The following RGS7 variants were observed in gnomAD, a reference collection of about 807,000 sequenced individuals.
RGS7 encodes regulator of G protein signaling 7, also known as regulator of G-protein signaling 7.
A neutral mutation model predicts 81.1 loss-of-function variants in RGS7; 27 were observed. That is an observed-to-expected ratio of 0.33 (90% confidence interval 0.25 to 0.46). RGS7 has a LOEUF of 0.46. RGS7 is among the 20% of genes least tolerant of loss of function. The pLI is 1.00. For synonymous variants in RGS7, 208 were observed against 207.7 expected, an observed-to-expected ratio of 1.00 and a Z score of -0.01; for missense variants, 396 against 607.4, an observed-to-expected ratio of 0.65 and a Z score of 3.66.
At chr1:240,777,241 C>A (rs1683108439) in intron 18 of RGS7, among the ~76,000 whole-genome samples, 1 of 151,652 alleles carries the variant, frequency 6.6e-6, no homozygotes, top group African/African-American at 2.4e-5. Flanking sequence ...GAGATCGCGC[C>A]ACTACACTCC....
chr1:241,201,884 C>T (rs781514380), intron 2 of RGS7, among the ~76,000 whole-genome samples: 4 of 152,100 alleles, frequency 2.6e-5, no homozygotes, highest in South Asian at 2.1e-4. Context: ...CTTTATACTT[C>T]GCAAAATAAT....
intron 2 of RGS7, among the ~76,000 whole-genome samples, chr1:241,114,606 T>G (rs912642857): frequency 2.6e-5 from 4 of 152,236 alleles, no homozygotes; most frequent in African/African-American, 9.6e-5. Context: ...AGTTCTAATA[T>G]TCTGTGACTA....
intron 3 of RGS7, among the ~76,000 whole-genome samples, chr1:241,077,796 A>G (rs1026817210): frequency 7.9e-5 from 12 of 152,196 alleles, no homozygotes; most frequent in Admixed American, 2.6e-4. Context: ...TGAGTCTCCA[A>G]AAAAAGAAAA....
chr1:241,130,178 A>G (rs1157372961), intron 2 of RGS7, among the ~76,000 whole-genome samples: 1 of 152,108 alleles, frequency 6.6e-6, no homozygotes, highest in African/African-American at 2.4e-5. Context: ...TAAAAAGGAG[A>G]AAAAAATGGA....
At chr1:241,147,510 T>A (rs1029715770) in intron 2 of RGS7, among the ~76,000 whole-genome samples, 2 of 152,080 alleles carry the variant, frequency 1.3e-5, no homozygotes, top group East Asian at 3.9e-4. Flanking sequence ...TTTGTCTTGG[T>A]CTTTTACCAT....
At chr1:240,938,931 C>T (rs531015220) in intron 4 of RGS7, among the ~76,000 whole-genome samples, 202 of 152,170 alleles carry the variant, frequency 1.3e-3, no homozygotes, top group Non-Finnish European at 2.4e-3. Context: ...GCCTACCTAT[C>T]CTTGTTAAAA....
chr1:241,273,186 C>G (rs957567774), intron 2 of RGS7, among the ~76,000 whole-genome samples: 1 of 135,104 alleles, frequency 7.4e-6, no homozygotes, highest in African/African-American at 2.6e-5. Flanking sequence ...CCCCCCCCCC[C>G]AAAGGATACA....
intron 2 of RGS7, among the ~76,000 whole-genome samples, chr1:241,240,005 G>A (rs1183395916): frequency 1.3e-5 from 2 of 152,160 alleles, no homozygotes; most frequent in African/African-American, 2.4e-5. Context: ...CCTGTAGCTT[G>A]AGGAGTCAGA....
intron 5 of RGS7, among the ~76,000 whole-genome samples, chr1:240,933,030 C>A (rs991231665): frequency 6.7e-6 from 1 of 149,618 alleles, no homozygotes; most frequent in Non-Finnish European, 1.5e-5. Context: ...ACTACAGGCG[C>A]CCGCACCACG....
chr1:241,140,652 C>T (rs573262759), intron 2 of RGS7, among the ~76,000 whole-genome samples: 5 of 152,168 alleles, frequency 3.3e-5, no homozygotes, highest in African/African-American at 1.2e-4. Flanking sequence ...CTCAAGCAAT[C>T]CTCCTGCCTT....
chr1:241,322,972 G>C (rs1210451576), intron 2 of RGS7, among the ~76,000 whole-genome samples: 1 of 152,008 alleles, frequency 6.6e-6, no homozygotes, highest in Non-Finnish European at 1.5e-5. Flanking sequence ...AAATCAAATT[G>C]GTAGGGCCAG....
intron 3 of RGS7, among the ~76,000 whole-genome samples, chr1:241,053,561 T>C (rs1558651596): frequency 1.3e-5 from 2 of 152,356 alleles, no homozygotes; most frequent in Admixed American, 6.5e-5. Flanking sequence ...ATGGCAAATA[T>C]ATTTAAATGA....
intron 9 of RGS7, among the ~76,000 whole-genome samples, chr1:240,858,242 T>G (rs747692197): frequency 6.6e-6 from 1 of 152,232 alleles, no homozygotes; most frequent in Non-Finnish European, 1.5e-5. Flanking sequence ...TCCTATTCAT[T>G]TGGGTAAATA....
intron 2 of RGS7, among the ~76,000 whole-genome samples, chr1:241,176,315 T>C (rs2071138271): frequency 6.6e-6 from 1 of 152,204 alleles, no homozygotes; most frequent in South Asian, 2.1e-4. Context: ...TGATCAGAGC[T>C]GAGCTTTGGA....
At chr1:241,094,609 C>CAAAACA (rs3078666) in intron 3 of RGS7, among the ~76,000 whole-genome samples, 33,110 of 151,644 alleles carry the variant, frequency 0.22, 4,059 homozygotes, top group African/African-American at 0.33. Flanking sequence ...ACTCTAAAAC[C>CAAAACA]AAAACAAAAA....
intron 3 of RGS7, among the ~76,000 whole-genome samples, chr1:241,023,914 T>A (rs1452396451): frequency 1.3e-5 from 2 of 152,010 alleles, no homozygotes; most frequent in Admixed American, 1.3e-4. Flanking sequence ...CCCGGCTAAT[T>A]TTGTATTTTT....
chr1:241,101,626 T>G (rs1299753449), intron 2 of RGS7, among the ~76,000 whole-genome samples: 1 of 152,112 alleles, frequency 6.6e-6, no homozygotes, highest in Non-Finnish European at 1.5e-5. Context: ...GTAATAAAGA[T>G]CTCTAAGTAT....
At chr1:241,303,400 C>T (rs1411524249) in intron 2 of RGS7, among the ~76,000 whole-genome samples, 2 of 152,306 alleles carry the variant, frequency 1.3e-5, no homozygotes, top group Non-Finnish European at 2.9e-5. Flanking sequence ...GCCATACTTC[C>T]TGTATAGTCT....
intron 3 of RGS7, among the ~76,000 whole-genome samples, chr1:241,017,439 CAAAA>C (rs554731685): frequency 1.4e-5 from 1 of 73,094 alleles, no homozygotes; most frequent in African/African-American, 4.1e-5. Flanking sequence ...CACTCTGTCT[CAAAA>C]AAAAAAAAAA....
Sources: gnomAD v4.1 joint callset for allele counts (sites outside exome capture counted in the v4.1 genomes callset) on GRCh38, gnomAD v4.1.1 for gene constraint, MANE v1.5 for transcripts, NCBI Gene and HGNC (gene_info 2026-07-23, HGNC 2026-07-21) for gene names.